PTK2B: variants seen among roughly 807,000 people sequenced by gnomAD.
PTK2B encodes protein-tyrosine kinase 2-beta.
In PTK2B, 71 loss-of-function variants were observed where a neutral mutation model predicts 142.9. The observed-to-expected ratio is 0.50, with a 90% confidence interval of 0.41 to 0.61. The LOEUF (loss-of-function observed/expected upper bound fraction) is 0.61. Among genes scored for constraint, PTK2B ranks in the 20% least tolerant of loss-of-function variants. PTK2B has a pLI of 0.00. For synonymous variants in PTK2B, 519 were observed against 503.4 expected (o/e 1.03, Z -0.42); for missense variants, 1,105 against 1,320.4 (o/e 0.84, Z 2.53).
chr8:27,319,397 C>T (rs1032393954), intron 3 of PTK2B, among the ~76,000 whole-genome samples: 7 of 151,010 alleles, frequency 4.6e-5, no homozygotes, highest in Admixed American at 3.3e-4. Flanking sequence ...AATCCCAGCA[C>T]TTTGGGAGGC....
intron 21 of PTK2B, among the ~76,000 whole-genome samples, chr8:27,442,136 G>A (rs3736524): frequency 2.0e-5 from 3 of 152,102 alleles, no homozygotes; most frequent in African/African-American, 7.2e-5. Flanking sequence ...GAGTGTCTCT[G>A]TGTAACAATA....
chr8:27,400,270 T>G (rs2322718), intron 2 of PTK2B, among the ~76,000 whole-genome samples: 61,076 of 151,958 alleles, frequency 0.4, 12,848 homozygotes, highest in Middle Eastern at 0.55. Flanking sequence ...TCTCAGAACC[T>G]TAAATAGGCT....
intron 1 of PTK2B, among the ~76,000 whole-genome samples, chr8:27,381,871 C>G (rs1027101680): frequency 6.6e-5 from 10 of 152,166 alleles, no homozygotes; most frequent in Admixed American, 6.5e-5. Flanking sequence ...GAGATGCTAT[C>G]TCATTGTAGT....
intron 21 of PTK2B, 60 bp downstream of exon 21, chr8:27,440,501 C>T: frequency 6.4e-7 from 1 of 1,556,018 alleles, no homozygotes; most frequent in Non-Finnish European, 8.8e-7. Context: ...GGGAGCAAGA[C>T]CAGCACACAG....
chr8:27,381,107 T>TATACA, intron 1 of PTK2B, among the ~76,000 whole-genome samples: 1 of 152,258 alleles, frequency 6.6e-6, no homozygotes. Flanking sequence ...AGAATGATAT[T>TATACA]TGAATACATG....
rs1336571143 is a variant in PTK2B, at chr8:27,353,915, A to G, written c.-38+28234A>G. On this transcript the variant is annotated intron_variant, in intron 1 of 30. Coordinates refer to ENST00000346049, the MANE Select transcript of PTK2B (RefSeq NM_173176.3). ...TGTCCCAGCACTCTTTTAGTTGCAG[A>G]TGACAGAAACCCAAAAGAGAGGATT... Among the ~76,000 whole-genome samples, 7 of 152,228 alleles carry G rather than the reference A, an allele frequency of 4.6e-5. No homozygotes were observed. The South Asian group carries it at 1.0e-3, about 23-fold the overall frequency.
At chr8:27,311,228 C>G (rs767884249), upstream of PTK2B, 8 of 1,541,540 alleles carry the variant, frequency 5.2e-6, no homozygotes, top group Non-Finnish European at 7.0e-6. Context: ...GTCGGGACTC[C>G]GCTCCATGGC....
At chr8:27,429,286 A>T (rs1420787172) in intron 5 of PTK2B, among the ~76,000 whole-genome samples, 3 of 152,236 alleles carry the variant, frequency 2.0e-5, no homozygotes. Context: ...CACTCTGCTT[A>T]TATTATTAGT....
intron 1 of PTK2B, among the ~76,000 whole-genome samples, chr8:27,364,502 T>C (rs1170834086): frequency 2.0e-5 from 3 of 152,170 alleles, no homozygotes; most frequent in Non-Finnish European, 4.4e-5. Flanking sequence ...AGGTGAAACT[T>C]GAGGTGGGCT....
At chr8:27,394,164 C>G (rs1807896594) in intron 1 of PTK2B, among the ~76,000 whole-genome samples, 1 of 152,156 alleles carries the variant, frequency 6.6e-6, no homozygotes, top group African/African-American at 2.4e-5. Flanking sequence ...CCCTCACTCT[C>G]TGGGTTGGGT....
intron 1 of PTK2B, among the ~76,000 whole-genome samples, chr8:27,312,088 T>C (rs1271381633): frequency 6.6e-6 from 1 of 152,228 alleles, no homozygotes; most frequent in East Asian, 1.9e-4. Context: ...CTAGAGTTCA[T>C]GCTCAATTCT....
intron 2 of PTK2B, among the ~76,000 whole-genome samples, chr8:27,401,312 G>T (rs958867928): frequency 6.6e-6 from 1 of 152,178 alleles, no homozygotes; most frequent in Non-Finnish European, 1.5e-5. Context: ...AGGCAGAGGG[G>T]GCTTTAAGGA....
intron 23 of PTK2B, among the ~76,000 whole-genome samples, chr8:27,445,302 A>T (rs1811396930): frequency 6.6e-6 from 1 of 152,162 alleles, no homozygotes; most frequent in Non-Finnish European, 1.5e-5. Flanking sequence ...AGTCCCAGCT[A>T]TGTGGGAGGC....
At chr8:27,395,282 A>G (rs1807978612) in intron 1 of PTK2B, among the ~76,000 whole-genome samples, 1 of 152,064 alleles carries the variant, frequency 6.6e-6, no homozygotes, top group Non-Finnish European at 1.5e-5. Flanking sequence ...TTGTGCTCTG[A>G]CCTTGCCACT....
chr8:27,368,899 G>A (rs541374796), intron 1 of PTK2B, among the ~76,000 whole-genome samples: 7 of 152,164 alleles, frequency 4.6e-5, no homozygotes, highest in Non-Finnish European at 1.0e-4. Flanking sequence ...TAGGAAGGAG[G>A]AAGCAGGGGT....
intron 1 of PTK2B, among the ~76,000 whole-genome samples, chr8:27,379,120 C>T (rs996675854): frequency 2.0e-5 from 3 of 152,116 alleles, no homozygotes; most frequent in East Asian, 1.9e-4. Flanking sequence ...TCGCAGGCTT[C>T]TCATTCTTTT....
intron 14 of PTK2B, 88 bp from the exon 15 acceptor site, chr8:27,436,163 G>A (rs370609480): frequency 4.7e-6 from 6 of 1,265,198 alleles, no homozygotes; most frequent in African/African-American, 4.4e-5. Flanking sequence ...ATCTGGTGAC[G>A]CCTGGCTTTA....
intron 3 of PTK2B, 150 bp downstream of exon 3, chr8:27,420,223 C>A (rs2131827343): frequency 1.1e-6 from 1 of 945,802 alleles, no homozygotes; most frequent in Non-Finnish European, 1.6e-6. Context: ...CTCCAGTATC[C>A]AATGCATGTA....
intron 1 of PTK2B, among the ~76,000 whole-genome samples, chr8:27,338,727 A>G (rs1251117355): frequency 6.6e-6 from 1 of 152,234 alleles, no homozygotes; most frequent in African/African-American, 2.4e-5. Flanking sequence ...ATAATTGAGA[A>G]AGCAACCCAT....
Sources: gnomAD v4.1 joint callset for allele counts (sites outside exome capture counted in the v4.1 genomes callset) on GRCh38, gnomAD v4.1.1 for gene constraint, MANE v1.5 for transcripts, NCBI Gene and HGNC (gene_info 2026-07-23, HGNC 2026-07-21) for gene names.